SLC35F1: variants seen among roughly 807,000 people sequenced by gnomAD.
The protein encoded by SLC35F1 is chromosome 6 open reading frame 169.
A neutral mutation model predicts 48.7 loss-of-function variants in SLC35F1; 14 were observed. The observed-to-expected ratio is 0.29, with a 90% CI of 0.19 to 0.45. SLC35F1 has a LOEUF of 0.45. Ranked by LOEUF, SLC35F1 falls within the 20% of genes least tolerant of loss-of-function variation. The pLI, the probability that SLC35F1 is intolerant of heterozygous loss-of-function variation, is 1.00. For missense variants in SLC35F1, 404 were observed against 500.0 expected, an observed-to-expected ratio of 0.81 and a Z score of 1.83; for synonymous variants, 190 against 202.2, an observed-to-expected ratio of 0.94 and a Z score of 0.51.
intron 2 of SLC35F1, among the ~76,000 whole-genome samples, chr6:118,207,413 T>A (rs1774950560): frequency 6.6e-6 from 1 of 152,248 alleles, no homozygotes. Flanking sequence ...GGAAGCATGT[T>A]CTGCAGAATA....
intron 1 of SLC35F1, among the ~76,000 whole-genome samples, chr6:118,054,364 A>T (rs941580566): frequency 6.6e-5 from 10 of 152,232 alleles, no homozygotes; most frequent in African/African-American, 2.4e-4. Flanking sequence ...GAATGGAAAT[A>T]AAAAGGGTAC....
At chr6:118,205,602 T>A (rs1428532773) in intron 2 of SLC35F1, among the ~76,000 whole-genome samples, 1 of 152,142 alleles carries the variant, frequency 6.6e-6, no homozygotes, top group East Asian at 1.9e-4. Flanking sequence ...CTCAAGCAGT[T>A]AAATGTAGAA....
At chr6:118,066,866 T>G (rs1430379879) in intron 1 of SLC35F1, among the ~76,000 whole-genome samples, 2 of 151,310 alleles carry the variant, frequency 1.3e-5, no homozygotes, top group East Asian at 4.0e-4. Context: ...AACCAAGCTA[T>G]TCACTTAAAA....
chr6:117,999,484 C>T (rs565999601), intron 1 of SLC35F1: 153 of 1,484,624 alleles, frequency 1.0e-4, no homozygotes, highest in African/African-American at 1.8e-4. Flanking sequence ...AGGACTGGTG[C>T]GACCCCCCAC....
intron 2 of SLC35F1, among the ~76,000 whole-genome samples, chr6:118,207,479 A>G (rs1359506022): frequency 6.6e-6 from 1 of 152,238 alleles, no homozygotes; most frequent in Non-Finnish European, 1.5e-5. Flanking sequence ...AACAACAAAT[A>G]TCAGAGGCTG....
intron 2 of SLC35F1, among the ~76,000 whole-genome samples, chr6:118,157,890 A>G (rs1223014192): frequency 6.6e-6 from 1 of 152,174 alleles, no homozygotes; most frequent in Non-Finnish European, 1.5e-5. Context: ...AATACTTTCT[A>G]TCCTTCAATC....
Position 117,966,452 on chromosome 6 carries a change from C to T in SLC35F1, c.173+58553C>T, listed in dbSNP as rs560002650. Among the ~76,000 whole-genome samples, 3 of 152,042 alleles carry T rather than the reference C, an allele frequency of 2.0e-5. No individual in the cohort carries two copies. The South Asian group carries it at 6.2e-4, about 32-fold the overall frequency. On this transcript the variant is annotated intron_variant, in intron 1 of 7. Transcript: ENST00000360388. Reference sequence around the variant, plus strand: ...ACCCACCAGGAGGAGGAATGAACAACTCGGGATGCGCTGCCTTTATGAACT... The same window carrying T: ...ACCCACCAGGAGGAGGAATGAACAATTCGGGATGCGCTGCCTTTATGAACT...
chr6:118,190,129 G>A (rs952700138), intron 2 of SLC35F1, among the ~76,000 whole-genome samples: 6 of 152,146 alleles, frequency 3.9e-5, no homozygotes, highest in African/African-American at 1.4e-4. Context: ...TTGAGAGACT[G>A]ACCAAAATGT....
intron 1 of SLC35F1, among the ~76,000 whole-genome samples, chr6:117,991,379 A>C (rs1470119150): frequency 6.6e-6 from 1 of 152,100 alleles, no homozygotes; most frequent in Non-Finnish European, 1.5e-5. Flanking sequence ...ATCCAAAGAC[A>C]ATCACTCTTC....
intron 2 of SLC35F1, among the ~76,000 whole-genome samples, chr6:118,199,703 T>C (rs1214605673): frequency 2.0e-5 from 3 of 152,122 alleles, no homozygotes; most frequent in African/African-American, 7.2e-5. Context: ...TACAGGGAAA[T>C]AATCAATGCA....
intron 1 of SLC35F1, among the ~76,000 whole-genome samples, chr6:118,040,465 A>T (rs560489803): frequency 1.3e-5 from 2 of 152,346 alleles, no homozygotes; most frequent in East Asian, 3.9e-4. Context: ...ATTATCCAGT[A>T]TCCTTTTATT....
chr6:117,996,150 G>C (rs1776985393), intron 1 of SLC35F1, among the ~76,000 whole-genome samples: 1 of 152,088 alleles, frequency 6.6e-6, no homozygotes, highest in Admixed American at 6.5e-5. Flanking sequence ...ACATTTAAGA[G>C]AAGAATATTA....
At chr6:118,119,370 A>G (rs539990229) in intron 1 of SLC35F1, among the ~76,000 whole-genome samples, 1 of 152,252 alleles carries the variant, frequency 6.6e-6, no homozygotes, top group South Asian at 2.1e-4. Context: ...ATTCAGCACC[A>G]TTGTGTACAT....
intron 2 of SLC35F1, among the ~76,000 whole-genome samples, chr6:118,166,504 C>T (rs1300687050): frequency 1.3e-5 from 2 of 152,198 alleles, no homozygotes; most frequent in African/African-American, 2.4e-5. Flanking sequence ...CAGCTTTAAA[C>T]AAGCTATTGA....
chr6:118,045,589 C>T (rs370125827), intron 1 of SLC35F1, among the ~76,000 whole-genome samples: 3 of 152,182 alleles, frequency 2.0e-5, no homozygotes, highest in Admixed American at 1.3e-4. Flanking sequence ...TAAAAGCCCT[C>T]GCAACTGATT....
At position 118,264,789 on chromosome 6, in the gene SLC35F1, G is replaced by A. The variant is rs61055817; in HGVS notation, c.478-2206G>A. Among the ~76,000 whole-genome samples, 1,518 of 152,332 alleles carry A rather than the reference G, an allele frequency of 1.0e-2. 26 individuals are homozygous for A. The highest frequency in any genetic ancestry group is 0.035 in the African/African-American group (1,444 of 41,576). On this transcript the variant is annotated intron_variant, in intron 3 of 7. Transcript: ENST00000360388. ...CAAAACACCAACTGTTTTATGCCCA[G>A]TGAACAGTTTTCAATGACAAACTGA...
intron 1 of SLC35F1, among the ~76,000 whole-genome samples, chr6:118,003,305 T>C (rs1777130538): frequency 6.6e-6 from 1 of 152,280 alleles, no homozygotes; most frequent in South Asian, 2.1e-4. Context: ...TCCAAAATAA[T>C]GAAAGAGGAT....
chr6:118,075,932 T>C (rs1009833614), intron 1 of SLC35F1, among the ~76,000 whole-genome samples: 2 of 152,242 alleles, frequency 1.3e-5, no homozygotes, highest in Non-Finnish European at 2.9e-5. Context: ...GATCTGATAA[T>C]GCTCAGCCTT....
At chr6:117,954,980 T>G (rs1460551613) in intron 1 of SLC35F1, among the ~76,000 whole-genome samples, 3 of 152,266 alleles carry the variant, frequency 2.0e-5, no homozygotes, top group Non-Finnish European at 4.4e-5. Flanking sequence ...TAATTTATTT[T>G]GAACTCCAAT....
Sources: allele counts gnomAD v4.1 joint callset (sites outside exome capture counted in the v4.1 genomes callset), GRCh38; gene constraint gnomAD v4.1.1; transcripts MANE v1.5; gene names NCBI Gene and HGNC (gene_info 2026-07-23, HGNC 2026-07-21).